Variants in PLPPR5 observed in about 807,000 individuals in gnomAD.
PLPPR5 encodes phospholipid phosphatase related 5.
PLPPR5 carries 16 observed loss-of-function variants against 33.9 expected under a neutral mutation model. That is an observed-to-expected ratio of 0.47 (90% CI 0.32 to 0.72). The LOEUF (loss-of-function observed/expected upper bound fraction) is 0.72, where lower values mean the gene tolerates loss of function less well. Among genes scored for constraint, PLPPR5 ranks in the 30% least tolerant of loss-of-function variants. PLPPR5 has a pLI of 0.03. For synonymous variants in PLPPR5, 163 were observed against 150.3 expected, an observed-to-expected ratio of 1.08 and a Z score of -0.62; for missense variants, 301 against 406.7, an observed-to-expected ratio of 0.74 and a Z score of 2.23.
rs1461248277 is a variant in PLPPR5, at chr1:98,890,678, A to T, written c.*2394T>A. Reference sequence around the variant, plus strand: ...ACATGGTAATATTTTCTGAAATATGATTTTCATTATTCTCAGTAACAGCAT... The same window carrying T: ...ACATGGTAATATTTTCTGAAATATGTTTTTCATTATTCTCAGTAACAGCAT... On this transcript the variant is annotated 3_prime_UTR_variant, in exon 6 of 6. Coordinates refer to ENST00000263177, the MANE Select transcript of PLPPR5 (RefSeq NM_001037317.2). 6.6e-6 allele frequency: 1 copy of T among 152,456 alleles called. No homozygotes were observed. The highest frequency in any genetic ancestry group is 6.6e-5 in the Admixed American group (1 of 15,240). 9.4% of individuals were successfully genotyped at this position (152,456 alleles called of 1,614,324 possible).
chr1:98,899,655 CTTGTTT>C (rs1373365974), intron 5 of PLPPR5, among the ~76,000 whole-genome samples: 119 of 138,602 alleles, frequency 8.6e-4, no homozygotes, highest in African/African-American at 3.2e-3. Context: ...GTTTATTTCA[CTTGTTT>C]TTTTTTTTTT....
At chr1:98,906,232 C>T (rs1276465939) in intron 5 of PLPPR5, among the ~76,000 whole-genome samples, 1 of 149,974 alleles carries the variant, frequency 6.7e-6, no homozygotes, top group Non-Finnish European at 1.5e-5. Context: ...TGTATATACA[C>T]AGTGTGTGTG....
chr1:98,895,058 T>G (rs759645381), intron 5 of PLPPR5, among the ~76,000 whole-genome samples: 1 of 151,974 alleles, frequency 6.6e-6, no homozygotes, highest in Non-Finnish European at 1.5e-5. Context: ...TCCCAAATAG[T>G]AATATAAAGT....
At position 98,892,676 on chromosome 1, in the gene PLPPR5, T is replaced by C. The variant is rs1648317607; in HGVS notation, c.*396A>G. 1 of 169,868 alleles carries C rather than the reference T, an allele frequency of 5.9e-6. No homozygotes were observed. The highest frequency in any genetic ancestry group is 1.5e-4 in the South Asian group (1 of 6,746). The allele number at this position is 169,868 out of a possible 1,614,324, so 10.5% of individuals were successfully genotyped here. ...ATACTGCTGAATAGATATATGAAGA[T>C]TAAAAAAATAACTAGCCCAAAATAG... On this transcript the variant is annotated 3_prime_UTR_variant, in exon 6 of 6. Transcript: ENST00000263177.
intron 5 of PLPPR5, among the ~76,000 whole-genome samples, chr1:98,898,537 A>G (rs1018606094): frequency 6.6e-6 from 1 of 152,150 alleles, no homozygotes; most frequent in African/African-American, 2.4e-5. Flanking sequence ...ACTTTGTCAC[A>G]TTGTTTTCCT....
intron 5 of PLPPR5, among the ~76,000 whole-genome samples, chr1:98,913,073 T>G (rs981780864): frequency 6.6e-6 from 1 of 152,134 alleles, no homozygotes; most frequent in Non-Finnish European, 1.5e-5. Context: ...CTTCTTACAC[T>G]CACTTTTCTT....
At chr1:98,945,096 G>A (rs1650505178) in intron 3 of PLPPR5, among the ~76,000 whole-genome samples, 1 of 152,174 alleles carries the variant, frequency 6.6e-6, no homozygotes, top group Admixed American at 6.5e-5. Flanking sequence ...TAGTTTTGTT[G>A]TTAGGCAGTC....
chr1:98,935,266 T>C (rs1650134535), intron 3 of PLPPR5, among the ~76,000 whole-genome samples: 2 of 152,178 alleles, frequency 1.3e-5, no homozygotes, highest in Admixed American at 1.3e-4. Flanking sequence ...ATAATCTCCA[T>C]TTTAGAAAGT....
chr1:98,953,319 T>C lies in PLPPR5; in HGVS notation c.372A>G (p.Gly124=), dbSNP rs773501706. The C allele has an allele frequency of 1.9e-6, 3 of 1,612,026 alleles. No homozygotes were observed. The South Asian group carries it at 3.3e-5, about 18-fold the overall frequency. Residue 124 remains glycine (G), a splice_region_variant and synonymous_variant, in exon 3 of 6, where the codon GGA becomes GGG. Coordinates refer to ENST00000263177, the MANE Select transcript of PLPPR5 (RefSeq NM_001037317.2). ...TAGCAAACAGTCCAAATGTATAAAT[T>C]CCTGGGGAAGAAAACAAATAATTTT... ...PLVRRTVRFL[G]IYTFGLFATD...
intron 3 of PLPPR5, among the ~76,000 whole-genome samples, chr1:98,924,656 T>C (rs1476231193): frequency 1.3e-5 from 2 of 152,200 alleles, no homozygotes; most frequent in Non-Finnish European, 2.9e-5. Flanking sequence ...CAGCCCTTAC[T>C]TGTCCAAGTT....
intron 1 of PLPPR5, among the ~76,000 whole-genome samples, chr1:98,961,333 C>G (rs1486170236): frequency 6.6e-6 from 1 of 152,198 alleles, no homozygotes; most frequent in South Asian, 2.1e-4. Context: ...AAAAACAACT[C>G]CAACTAGAAC....
At chr1:98,988,455 GATTT>G (rs1053667118) in intron 1 of PLPPR5, among the ~76,000 whole-genome samples, 1 of 152,032 alleles carries the variant, frequency 6.6e-6, no homozygotes, top group African/African-American at 2.4e-5. Context: ...TTGTTTTTAA[GATTT>G]ATTATCAACT....
At chr1:98,901,940 TATA>T (rs1648708838) in intron 5 of PLPPR5, among the ~76,000 whole-genome samples, 2 of 152,054 alleles carry the variant, frequency 1.3e-5, no homozygotes, top group Non-Finnish European at 1.5e-5. Context: ...CTTTTAATAA[TATA>T]ATCTTATAAT....
chr1:98,957,610 T>C (rs1443286873), intron 1 of PLPPR5, among the ~76,000 whole-genome samples: 1 of 152,110 alleles, frequency 6.6e-6, no homozygotes, highest in Non-Finnish European at 1.5e-5. Flanking sequence ...ATATTAATAC[T>C]TTTATAAATA....
intron 3 of PLPPR5, among the ~76,000 whole-genome samples, chr1:98,929,440 C>T (rs1649887496): frequency 1.3e-5 from 2 of 152,110 alleles, no homozygotes; most frequent in African/African-American, 2.4e-5. Flanking sequence ...TTACAATATC[C>T]TTAATGGGTA....
At chr1:98,998,742 T>C (rs1652720599) in intron 1 of PLPPR5, among the ~76,000 whole-genome samples, 1 of 152,170 alleles carries the variant, frequency 6.6e-6, no homozygotes, top group South Asian at 2.1e-4. Context: ...TCCAAATCTC[T>C]TTCATAAATT....
Position 99,001,671 on chromosome 1 carries a change from G to GATAGATAGATATATATATAT in PLPPR5, c.237+2763_237+2764insATATATATATATCTATCTAT, listed in dbSNP as rs1247519605. On this transcript the variant is annotated intron_variant, in intron 1 of 5. Transcript: ENST00000263177. ...ACTAGAAATGAGTTTGAAAGTTAAA[G>GATAGATAGATATATATATAT]ATATATATATATATATATATATATA... Among the ~76,000 whole-genome samples, 4 of 102,192 alleles carry GATAGATAGATATATATATAT rather than the reference G, an allele frequency of 3.9e-5. No homozygotes were observed. In the East Asian group the frequency reaches 1.1e-3, roughly 28 times the overall value. 67.0% of individuals were successfully genotyped at this position (102,192 alleles called of 152,430 possible).
chr1:98,947,421 T>G (rs921622247), intron 3 of PLPPR5, among the ~76,000 whole-genome samples: 2 of 152,218 alleles, frequency 1.3e-5, no homozygotes, highest in African/African-American at 4.8e-5. Context: ...AAGGTAAGGA[T>G]GCAGAGTATC....
At chr1:99,004,251 G>A (rs1652978865) in intron 1 of PLPPR5, 184 bp downstream of exon 1, 2 of 584,182 alleles carry the variant, frequency 3.4e-6, no homozygotes, top group Non-Finnish European at 6.0e-6. Context: ...GGGAAGAGCT[G>A]GGGGCTTCCT....
Sources: allele counts gnomAD v4.1 joint callset (sites outside exome capture counted in the v4.1 genomes callset), GRCh38; gene constraint gnomAD v4.1.1; transcripts MANE v1.5; gene names NCBI Gene and HGNC (gene_info 2026-07-23, HGNC 2026-07-21).